Variants in NFIC observed in about 807,000 individuals in gnomAD.
The protein encoded by NFIC is nuclear factor 1 C-type.
Under a neutral mutation model 54.4 loss-of-function variants are expected in NFIC, and 12 were observed. The ratio of observed to expected loss-of-function variants is 0.22; its 90% CI spans 0.14 to 0.36. The LOEUF is 0.36. Ranked by LOEUF, NFIC falls within the 10% of genes least tolerant of loss-of-function variation. NFIC has a pLI of 1.00. For synonymous variants in NFIC, 322 were observed against 319.2 expected (o/e 1.01, Z -0.09); for missense variants, 575 against 718.2 (o/e 0.80, Z 2.28).
intron 9 of NFIC, among the ~76,000 whole-genome samples, chr19:3,454,723 C>G (rs1342635778): frequency 6.6e-6 from 1 of 151,436 alleles, no homozygotes; most frequent in Non-Finnish European, 1.5e-5. Context: ...TGCCCCTCAC[C>G]CCCCTTTTTG....
At chr19:3,423,133 G>A (rs2081978116) in intron 2 of NFIC, among the ~76,000 whole-genome samples, 2 of 152,142 alleles carry the variant, frequency 1.3e-5, no homozygotes, top group Admixed American at 6.6e-5. Flanking sequence ...GAGAGGTGGA[G>A]GTTACAGCAA....
chr19:3,449,278 G>C (rs1172354410), intron 7 of NFIC, 139 bp downstream of exon 7: 4 of 1,349,256 alleles, frequency 3.0e-6, no homozygotes. Flanking sequence ...CCATAGAGGT[G>C]CCGTAGTGGA....
chr19:3,405,220 C>G (rs2081628533), intron 2 of NFIC, among the ~76,000 whole-genome samples: 1 of 152,244 alleles, frequency 6.6e-6, no homozygotes, highest in Non-Finnish European at 1.5e-5. Context: ...GCCGGGGAGG[C>G]CCGGGATGGA....
intron 1 of NFIC, among the ~76,000 whole-genome samples, chr19:3,368,893 C>T (rs1326766873): frequency 2.0e-5 from 3 of 148,116 alleles, no homozygotes; most frequent in Non-Finnish European, 4.5e-5. Context: ...TTCTCTCTTT[C>T]TCTCTGTCTT....
intron 2 of NFIC, among the ~76,000 whole-genome samples, chr19:3,382,886 A>G (rs545738026): frequency 6.6e-6 from 1 of 152,040 alleles, no homozygotes; most frequent in East Asian, 1.9e-4. Context: ...TGGAGGTCAG[A>G]TGGAGGAGGC....
At chr19:3,421,070 G>C (rs2081946956) in intron 2 of NFIC, among the ~76,000 whole-genome samples, 1 of 152,192 alleles carries the variant, frequency 6.6e-6, no homozygotes, top group Non-Finnish European at 1.5e-5. Context: ...GCTTCCAAGA[G>C]GGGGTGCTAT....
chr19:3,386,320 T>A (rs1460772676), intron 2 of NFIC, among the ~76,000 whole-genome samples: 13 of 141,008 alleles, frequency 9.2e-5, no homozygotes, highest in Admixed American at 1.4e-4. Flanking sequence ...ATGCCTTTTT[T>A]TTTTTTTTTT....
At chr19:3,460,319 G>GAGAGCC (rs1282147695) in intron 10 of NFIC, among the ~76,000 whole-genome samples, 2 of 152,172 alleles carry the variant, frequency 1.3e-5, no homozygotes, top group Non-Finnish European at 2.9e-5. Context: ...GAGCAGAAAT[G>GAGAGCC]AGAGCCAGAG....
chr19:3,433,737 G>C (rs2082157026), intron 4 of NFIC, 145 bp downstream of exon 4: 1 of 895,698 alleles, frequency 1.1e-6, no homozygotes, highest in South Asian at 1.5e-5. Flanking sequence ...AAAGGGAGGT[G>C]GCCAGGCCCT....
chr19:3,449,535 G>A (rs1361465393), intron 7 of NFIC, among the ~76,000 whole-genome samples: 1 of 152,056 alleles, frequency 6.6e-6, no homozygotes, highest in Non-Finnish European at 1.5e-5. Context: ...TGAGGCGGGT[G>A]GATCATCTGA....
At chr19:3,410,373 A>G (rs191576025) in intron 2 of NFIC, among the ~76,000 whole-genome samples, 78 of 152,326 alleles carry the variant, frequency 5.1e-4, no homozygotes, top group Non-Finnish European at 9.0e-4. Flanking sequence ...TATTTGAGGA[A>G]AGTCCTGAAT....
rs144776941 is a variant in NFIC, at chr19:3,423,058, C to T, written c.563-2048C>T. Among the ~76,000 whole-genome samples, 747 of 152,010 alleles carry T rather than the reference C, an allele frequency of 4.9e-3. 5 individuals are homozygous for T. The highest frequency in any genetic ancestry group is 0.017 in the African/African-American group (701 of 41,458). On this transcript the variant is annotated intron_variant, in intron 2 of 10. Coordinates refer to ENST00000443272, the MANE Select transcript of NFIC (RefSeq NM_001245002.2). ...ACTAAAAATACAAAAATTAGCCAGG[C>T]GTGATGACGCGCGCCTGTAATCTCA... is the stretch of plus-strand genomic sequence containing the variant.
exon 1 of NFIC, chr19:3,359,673 C>A: frequency 7.1e-7 from 1 of 1,417,876 alleles, no homozygotes; most frequent in Non-Finnish European, 9.3e-7. Context: ...CGCCTCCTCG[C>A]AGCAGCGCCA....
At chr19:3,378,900 C>T (rs1214596680) in intron 1 of NFIC, among the ~76,000 whole-genome samples, 1 of 152,132 alleles carries the variant, frequency 6.6e-6, no homozygotes, top group Non-Finnish European at 1.5e-5. Context: ...CTGATTAATC[C>T]TGGTGCACTT....
chr19:3,463,564 T>C lies in NFIC; in HGVS notation c.*795T>C, dbSNP rs1353111243. The C allele has an allele frequency of 1.0e-6, 1 of 983,812 alleles. No individual in the cohort carries two copies. Among genetic ancestry groups the C allele is most frequent in the Non-Finnish European group, 1.2e-6 (1 of 829,502 alleles). The allele number at this position is 983,812 out of a possible 1,614,324, so 60.9% of individuals were successfully genotyped here. Reference sequence around the variant, plus strand: ...CGACTCGCTGTCTCGCTGGGGACTCTTTCAGCCCTCGCGCCCGCCCGTTTG... The same window carrying C: ...CGACTCGCTGTCTCGCTGGGGACTCCTTCAGCCCTCGCGCCCGCCCGTTTG... On this transcript the variant is annotated 3_prime_UTR_variant, in exon 11 of 11. Coordinates refer to ENST00000443272, the MANE Select transcript of NFIC (RefSeq NM_001245002.2).
chr19:3,432,670 C>CT (rs33968415), intron 3 of NFIC, among the ~76,000 whole-genome samples: 4,356 of 129,466 alleles, frequency 0.034, 103 homozygotes, highest in Non-Finnish European at 0.048. Flanking sequence ...GCTTTCCGCT[C>CT]TTTTTTTTTT....
intron 2 of NFIC, among the ~76,000 whole-genome samples, chr19:3,396,048 G>C (rs560415583): frequency 6.6e-6 from 1 of 152,238 alleles, no homozygotes; most frequent in African/African-American, 2.4e-5. Context: ...ATATTGGTTA[G>C]GGCTGGAGCA....
chr19:3,444,381 T>C (rs1475819486), intron 6 of NFIC, among the ~76,000 whole-genome samples: 1 of 152,156 alleles, frequency 6.6e-6, no homozygotes, highest in Non-Finnish European at 1.5e-5. Context: ...GAGGGGCGTA[T>C]GGATGTGTTC....
At chr19:3,436,681 G>A (rs1024633473) in intron 6 of NFIC, among the ~76,000 whole-genome samples, 1 of 150,560 alleles carries the variant, frequency 6.6e-6, no homozygotes, top group African/African-American at 2.4e-5. Flanking sequence ...CACCATGTTG[G>A]CCAGTCTGGT....
Sources: gnomAD v4.1 joint callset for allele counts (sites outside exome capture counted in the v4.1 genomes callset) on GRCh38, gnomAD v4.1.1 for gene constraint, MANE v1.5 for transcripts, NCBI Gene and HGNC (gene_info 2026-07-23, HGNC 2026-07-21) for gene names.